Variants in GLIS3 observed in about 807,000 individuals in gnomAD.
GLIS3 encodes the protein zinc finger protein GLIS3.
A neutral mutation model predicts 78.6 loss-of-function variants in GLIS3; 53 were observed. The observed-to-expected ratio is 0.67, with a 90% CI of 0.54 to 0.85. The LOEUF (loss-of-function observed/expected upper bound fraction) is 0.85, where lower values mean the gene tolerates loss of function less well. Ranked by LOEUF, GLIS3 falls within the 40% of genes least tolerant of loss-of-function variation. The probability of loss-of-function intolerance (pLI) is 0.00; values close to 1 mark genes in which losing one functional copy is unlikely to be tolerated. For missense variants in GLIS3, 1,703 were observed against 1,231.1 expected (o/e 1.38, Z -5.74); for synonymous variants, 684 against 509.9 (o/e 1.34, Z -4.60).
At chr9:4,001,755 A>G (rs1282864874) in intron 4 of GLIS3, among the ~76,000 whole-genome samples, 1 of 152,238 alleles carries the variant, frequency 6.6e-6, no homozygotes, top group Non-Finnish European at 1.5e-5. Flanking sequence ...CATTTTGCAG[A>G]TACCAGCTTT....
chr9:4,202,028 A>G (rs1294533177), intron 2 of GLIS3, among the ~76,000 whole-genome samples: 1 of 152,072 alleles, frequency 6.6e-6, no homozygotes, highest in Non-Finnish European at 1.5e-5. Context: ...AATCCCAGCT[A>G]TAGGGAAGTT....
At chr9:4,161,431 A>C (rs1835466569) in intron 2 of GLIS3, among the ~76,000 whole-genome samples, 1 of 152,202 alleles carries the variant, frequency 6.6e-6, no homozygotes, top group African/African-American at 2.4e-5. Flanking sequence ...CATGGGGAAG[A>C]GGAGCCCCAT....
At chr9:3,866,041 GGAA>G (rs1820555923) in intron 8 of GLIS3, among the ~76,000 whole-genome samples, 1 of 152,118 alleles carries the variant, frequency 6.6e-6, no homozygotes, top group East Asian at 1.9e-4. Context: ...TTGTGGAGGT[GGAA>G]GAAGAACAAT....
At chr9:4,424,838 G>C in the GLIS3 span, among the ~76,000 whole-genome samples, 3 of 151,964 alleles carry the variant, frequency 2.0e-5, no homozygotes. Context: ...AGGATTAAAG[G>C]TGTGAGCCAC....
At chr9:4,231,118 T>A (rs1033197877) in intron 2 of GLIS3, among the ~76,000 whole-genome samples, 2 of 138,048 alleles carry the variant, frequency 1.4e-5, no homozygotes, top group Non-Finnish European at 3.2e-5. Context: ...GATAATGAGA[T>A]GAATAAAGAA....
the GLIS3 span, among the ~76,000 whole-genome samples, chr9:4,479,717 T>C: frequency 3.3e-5 from 5 of 151,926 alleles, no homozygotes; most frequent in African/African-American, 1.2e-4. Flanking sequence ...GCACCCCAGG[T>C]TAGGAAGGGG....
intron 2 of GLIS3, among the ~76,000 whole-genome samples, chr9:4,183,595 G>A (rs2131182611): frequency 6.6e-6 from 1 of 152,224 alleles, no homozygotes; most frequent in South Asian, 2.1e-4. Flanking sequence ...TACCAGTCAA[G>A]ACCTCTGTTT....
At chr9:4,351,871 A>G (rs1484627602), upstream of GLIS3, among the ~76,000 whole-genome samples, 6 of 152,174 alleles carry the variant, frequency 3.9e-5, no homozygotes. Flanking sequence ...TTTCTTAAAA[A>G]AAAAATGCAC....
At chr9:4,061,903 G>A (rs1406545203) in intron 4 of GLIS3, among the ~76,000 whole-genome samples, 2 of 152,212 alleles carry the variant, frequency 1.3e-5, no homozygotes, top group Admixed American at 6.5e-5. Context: ...GGTGTCCTGA[G>A]ACAGCTTCCT....
At position 4,286,301 on chromosome 9, in the gene GLIS3, G is replaced by C; in HGVS notation, c.125C>G (p.Pro42Arg). Reference sequence around the variant, plus strand: ...AGTGGGACTCGATGTGCTGCCACAGGGCGAGGGGCCAGGAGTCCCGGAGTG... The same window carrying C: ...AGTGGGACTCGATGTGCTGCCACAGCGCGAGGGGCCAGGAGTCCCGGAGTG... ...RAHSGTPGPSPCGSTSSPTMA... is the reference protein window; with the variant it reads ...RAHSGTPGPSRCGSTSSPTMA... The change falls in exon 2 of 11, where the codon CCC becomes CGC. Residue 42 changes from proline (P) to arginine (R), a missense_variant. Coordinates refer to ENST00000381971, the MANE Select transcript of GLIS3 (RefSeq NM_001042413.2). 1.2e-6 allele frequency: 2 copies of C among 1,614,214 alleles called. No homozygotes were observed. The highest frequency in any genetic ancestry group is 2.2e-5 in the South Asian group (2 of 91,086).
chr9:4,465,358 G>A, the GLIS3 span, among the ~76,000 whole-genome samples: 7 of 152,216 alleles, frequency 4.6e-5, no homozygotes, highest in Non-Finnish European at 1.0e-4. Context: ...GACCAGCCTG[G>A]CCAACGTGGT....
chr9:3,869,733 C>T (rs1403702418), intron 8 of GLIS3, among the ~76,000 whole-genome samples: 1 of 152,176 alleles, frequency 6.6e-6, no homozygotes, highest in Admixed American at 6.5e-5. Context: ...TTCCTTAGGA[C>T]CTATCACTGC....
At chr9:4,457,012 A>T in the GLIS3 span, among the ~76,000 whole-genome samples, 2 of 152,228 alleles carry the variant, frequency 1.3e-5, no homozygotes, top group African/African-American at 4.8e-5. Context: ...TGTTAAAAAA[A>T]TGACACCAGT....
At chr9:4,473,424 C>T in the GLIS3 span, among the ~76,000 whole-genome samples, 6 of 146,176 alleles carry the variant, frequency 4.1e-5, no homozygotes, top group East Asian at 4.0e-4. Flanking sequence ...CCAGCCTGGG[C>T]GACAGGGCGA....
intron 4 of GLIS3, among the ~76,000 whole-genome samples, chr9:4,108,949 A>C (rs1830990691): frequency 6.6e-6 from 1 of 152,154 alleles, no homozygotes; most frequent in South Asian, 2.1e-4. Flanking sequence ...CCAGAGAAAG[A>C]AGCTCAAGTA....
rs146025209 is a variant in GLIS3 at position 4,055,692 on chromosome 9, C to G, written c.1710+62076G>C. 2.8e-3 allele frequency among the ~76,000 whole-genome samples: 425 copies of G among 152,274 alleles called. 1 individual carries two copies. The highest frequency in any genetic ancestry group is 5.6e-3 in the East Asian group (29 of 5,174). On this transcript the variant is annotated intron_variant, in intron 4 of 10. Coordinates refer to ENST00000381971, the MANE Select transcript of GLIS3 (RefSeq NM_001042413.2). ...TGTTATCACTTTCAATGGCAGGCTTCTGTGATCAGGTCCAAAATAAAATGC... is the reference window on the plus strand; with the variant it reads ...TGTTATCACTTTCAATGGCAGGCTTGTGTGATCAGGTCCAAAATAAAATGC...
upstream of GLIS3, among the ~76,000 whole-genome samples, chr9:4,301,997 T>C (rs1817095369): frequency 6.6e-6 from 1 of 152,032 alleles, no homozygotes; most frequent in Non-Finnish European, 1.5e-5. Flanking sequence ...TTTTTCTTTT[T>C]TTTTTTTTCT....
the GLIS3 span, among the ~76,000 whole-genome samples, chr9:4,358,949 G>C: frequency 1.3e-5 from 2 of 152,132 alleles, no homozygotes; most frequent in Non-Finnish European, 2.9e-5. Flanking sequence ...TCAAGATGTG[G>C]CTGGGTTCCT....
intron 1 of GLIS3, among the ~76,000 whole-genome samples, chr9:4,288,886 T>C (rs1828219248): frequency 6.6e-6 from 1 of 152,098 alleles, no homozygotes; most frequent in Non-Finnish European, 1.5e-5. Flanking sequence ...TAAAAGAAAC[T>C]AAACATGAAA....
Sources: allele counts gnomAD v4.1 joint callset (sites outside exome capture counted in the v4.1 genomes callset), GRCh38; gene constraint gnomAD v4.1.1; transcripts MANE v1.5; gene names NCBI Gene and HGNC (gene_info 2026-07-23, HGNC 2026-07-21).